EXOC4: variants seen among roughly 807,000 people sequenced by gnomAD.
The protein encoded by EXOC4 is exocyst complex component 4.
EXOC4 carries 71 observed loss-of-function variants against 107.2 expected under a neutral mutation model. The observed-to-expected ratio is 0.66, with a 90% CI of 0.55 to 0.81. The LOEUF is 0.81. Among genes scored for constraint, EXOC4 ranks in the 30% least tolerant of loss-of-function variants. The pLI, the probability that EXOC4 is intolerant of heterozygous loss-of-function variation, is 0.00. For synonymous variants in EXOC4, 456 were observed against 441.2 expected (o/e 1.03, Z -0.42); for missense variants, 1,108 against 1,189.6 (o/e 0.93, Z 1.01).
intron 9 of EXOC4, among the ~76,000 whole-genome samples, chr7:133,622,296 G>A (rs974397841): frequency 2.6e-5 from 4 of 151,858 alleles, no homozygotes; most frequent in Non-Finnish European, 5.9e-5. Flanking sequence ...TTCTTTTGTA[G>A]GAGAAACAGA....
intron 5 of EXOC4, among the ~76,000 whole-genome samples, chr7:133,338,666 A>G (rs1795584497): frequency 6.7e-6 from 1 of 149,646 alleles, no homozygotes; most frequent in Admixed American, 6.7e-5. Context: ...GTATTTGATT[A>G]CATGTATAAA....
chr7:133,632,716 A>G (rs1304542434), intron 10 of EXOC4, among the ~76,000 whole-genome samples: 1 of 152,172 alleles, frequency 6.6e-6, no homozygotes, highest in Non-Finnish European at 1.5e-5. Flanking sequence ...TATTTATTGA[A>G]TACTTATGAT....
chr7:133,348,957 A>G (rs1584840044), intron 5 of EXOC4, among the ~76,000 whole-genome samples: 1 of 152,268 alleles, frequency 6.6e-6, no homozygotes, highest in African/African-American at 2.4e-5. Flanking sequence ...TTGCAAGTAA[A>G]ACCAAATGAA....
At chr7:133,385,577 C>T (rs1386630366) in intron 7 of EXOC4, among the ~76,000 whole-genome samples, 1 of 152,210 alleles carries the variant, frequency 6.6e-6, no homozygotes, top group Non-Finnish European at 1.5e-5. Context: ...GGAGTAGTTA[C>T]ACTTTGTCAC....
At chr7:133,491,199 T>C (rs1799365659) in intron 9 of EXOC4, among the ~76,000 whole-genome samples, 1 of 152,248 alleles carries the variant, frequency 6.6e-6, no homozygotes, top group Admixed American at 6.5e-5. Flanking sequence ...TATGATAGTA[T>C]GTATGAATGC....
intron 12 of EXOC4, among the ~76,000 whole-genome samples, chr7:133,911,949 A>G (rs192017593): frequency 4.6e-5 from 7 of 152,252 alleles, no homozygotes; most frequent in Admixed American, 2.0e-4. Flanking sequence ...CTAGATATGA[A>G]TGGTGAAATC....
At chr7:133,403,398 G>A (rs1584889138) in intron 7 of EXOC4, among the ~76,000 whole-genome samples, 1 of 152,136 alleles carries the variant, frequency 6.6e-6, no homozygotes, top group Non-Finnish European at 1.5e-5. Flanking sequence ...CTGCATTTAT[G>A]GAAAAACTGC....
intron 14 of EXOC4, among the ~76,000 whole-genome samples, chr7:133,949,626 A>G (rs1026912114): frequency 6.6e-6 from 1 of 152,230 alleles, no homozygotes; most frequent in African/African-American, 2.4e-5. Context: ...GCTTCTTGCT[A>G]CAGATAAAAA....
At chr7:133,923,619 C>T (rs539461220) in intron 13 of EXOC4, among the ~76,000 whole-genome samples, 28 of 152,206 alleles carry the variant, frequency 1.8e-4, no homozygotes, top group African/African-American at 6.5e-4. Context: ...CTGTCTGTAG[C>T]GATTTTTAAG....
intron 10 of EXOC4, among the ~76,000 whole-genome samples, chr7:133,707,894 A>G (rs1350344108): frequency 6.6e-6 from 1 of 152,030 alleles, no homozygotes; most frequent in Non-Finnish European, 1.5e-5. Flanking sequence ...GCCTGGCCTC[A>G]TTTTTGTTTT....
At chr7:133,575,991 G>C (rs895881662) in intron 9 of EXOC4, among the ~76,000 whole-genome samples, 1 of 152,164 alleles carries the variant, frequency 6.6e-6, no homozygotes, top group Non-Finnish European at 1.5e-5. Flanking sequence ...AGTGAATATT[G>C]AAAGTGTTCT....
chr7:133,571,344 A>G (rs1027170672), intron 9 of EXOC4, among the ~76,000 whole-genome samples: 7 of 152,188 alleles, frequency 4.6e-5, no homozygotes, highest in African/African-American at 1.2e-4. Flanking sequence ...TTTTGTGCCA[A>G]TTTCTCAAAA....
chr7:133,730,211 T>C (rs1484382281), intron 10 of EXOC4, among the ~76,000 whole-genome samples: 1 of 148,728 alleles, frequency 6.7e-6, no homozygotes, highest in African/African-American at 2.5e-5. Context: ...GTGACCTTCT[T>C]TCTGACCTAC....
Position 133,358,907 on chromosome 7 carries a change from G to A in EXOC4, c.1007+2334G>A, listed in dbSNP as rs563420612. On this transcript the variant is annotated intron_variant, in intron 6 of 17. Coordinates refer to ENST00000253861, the MANE Select transcript of EXOC4 (RefSeq NM_021807.4). The stretch of plus-strand genomic sequence containing the variant: ...CTAAATGTTTCTCTATGAGGAATGA[G>A]TCAGCAGCAGGATTTTTTTCCCTGT... Among the ~76,000 whole-genome samples the A allele has an allele frequency of 9.9e-5, 15 of 152,250 alleles. No homozygotes were observed. The South Asian group carries it at 2.9e-3, about 29-fold the overall frequency.
intron 9 of EXOC4, among the ~76,000 whole-genome samples, chr7:133,601,670 T>A (rs1332703303): frequency 6.6e-6 from 1 of 152,218 alleles, no homozygotes; most frequent in African/African-American, 2.4e-5. Context: ...GGGCTAGCAG[T>A]TTCTGCCTTC....
intron 9 of EXOC4, among the ~76,000 whole-genome samples, chr7:133,492,839 A>T (rs1417383167): frequency 6.6e-6 from 1 of 152,072 alleles, no homozygotes; most frequent in Non-Finnish European, 1.5e-5. Context: ...TCTCAGTTGT[A>T]AAAGGAAGAA....
rs796720211 is a variant in EXOC4 at position 133,808,764 on chromosome 7, AT to A, written c.1515-8550del. The stretch of plus-strand genomic sequence containing the variant: ...GGATTTTATTATGAGTTGTAGGTTG[AT>A]TTTTTTTTTTACATATAAATCTACC... On this transcript the variant is annotated intron_variant, in intron 10 of 17. Coordinates refer to ENST00000253861, the MANE Select transcript of EXOC4 (RefSeq NM_021807.4). 3.1e-3 allele frequency among the ~76,000 whole-genome samples: 463 copies of A among 147,158 alleles called. 6 individuals carry two copies. Among genetic ancestry groups the A allele is most frequent in the African/African-American group, 0.01 (406 of 40,284 alleles).
the EXOC4 span, among the ~76,000 whole-genome samples, chr7:134,081,116 G>A: frequency 1.3e-5 from 2 of 152,124 alleles, no homozygotes; most frequent in East Asian, 3.9e-4. Context: ...GCTGAGGCAG[G>A]TGAATCACCT....
the EXOC4 span, among the ~76,000 whole-genome samples, chr7:134,088,698 T>C: frequency 6.6e-6 from 1 of 152,194 alleles, no homozygotes; most frequent in Non-Finnish European, 1.5e-5. Context: ...CAGCTGACTA[T>C]AAACCACCTT....
Sources: allele counts gnomAD v4.1 joint callset (sites outside exome capture counted in the v4.1 genomes callset), GRCh38; gene constraint gnomAD v4.1.1; transcripts MANE v1.5; gene names NCBI Gene and HGNC (gene_info 2026-07-23, HGNC 2026-07-21).